Variants in L3HYPDH observed in about 807,000 individuals in gnomAD.
L3HYPDH encodes trans-3-hydroxy-L-proline dehydratase.
A neutral mutation model predicts 26.5 loss-of-function variants in L3HYPDH; 32 were observed. That is an observed-to-expected ratio of 1.21 (90% confidence interval 0.91 to 1.62). L3HYPDH has a LOEUF of 1.62. Ranked by LOEUF, L3HYPDH falls within the 40% of genes most tolerant of loss-of-function variation. The pLI, the probability that L3HYPDH is intolerant of heterozygous loss-of-function variation, is 0.00. For missense variants in L3HYPDH, 554 were observed against 476.4 expected, an observed-to-expected ratio of 1.16 and a Z score of -1.52; for synonymous variants, 215 against 196.6, an observed-to-expected ratio of 1.09 and a Z score of -0.78.
chr14:59,478,281 C>G (rs1286444056), intron 2 of L3HYPDH, among the ~76,000 whole-genome samples: 1 of 152,092 alleles, frequency 6.6e-6, no homozygotes, highest in Non-Finnish European at 1.5e-5. Context: ...AATTTAGTAA[C>G]TGCTAGGTGT....
the L3HYPDH span, among the ~76,000 whole-genome samples, chr14:59,490,985 G>C: frequency 1.3e-5 from 2 of 152,196 alleles, no homozygotes; most frequent in South Asian, 4.1e-4. Context: ...GCTCAGACAG[G>C]AAAGGAGGTG....
chr14:59,473,093 GAAA>G lies in L3HYPDH; in HGVS notation c.940-6_940-4del, dbSNP rs142508867. ...TTAAAATCACCACATTTCGCTTCCT[GAAA>G]AAAGATGAAGGGAGTATACTATCAA... On this transcript the variant is annotated splice_polypyrimidine_tract_variant and splice_region_variant and intron_variant, in intron 4 of 4. Coordinates refer to ENST00000247194, the MANE Select transcript of L3HYPDH (RefSeq NM_144581.2). 22,665 of 1,584,858 alleles carry G rather than the reference GAAA, an allele frequency of 0.014. 209 individuals are homozygous for G. Among genetic ancestry groups the G allele is most frequent in the Non-Finnish European group, 0.017 (19,594 of 1,170,002 alleles).
the L3HYPDH span, among the ~76,000 whole-genome samples, chr14:59,492,821 C>T: frequency 3.7e-5 from 5 of 135,148 alleles, no homozygotes; most frequent in African/African-American, 1.4e-4. Context: ...TTTTTTGAGA[C>T]GAGTCTTGCT....
the L3HYPDH span, among the ~76,000 whole-genome samples, chr14:59,490,154 G>A: frequency 2.0e-5 from 3 of 152,080 alleles, no homozygotes; most frequent in Admixed American, 1.3e-4. Flanking sequence ...TCTCCTGGGC[G>A]CAAGCAGTCC....
At chr14:59,466,642 T>C (rs1359795524) in intron 1 of L3HYPDH, among the ~76,000 whole-genome samples, 1 of 152,216 alleles carries the variant, frequency 6.6e-6, no homozygotes, top group Non-Finnish European at 1.5e-5. Flanking sequence ...TTTGTAGATC[T>C]TAGAATCAAT....
chr14:59,487,776 C>A, upstream of L3HYPDH: 1 of 1,613,502 alleles, frequency 6.2e-7, no homozygotes, highest in Non-Finnish European at 8.5e-7. Context: ...TATGGCAATG[C>A]TTCCTCTGGT....
downstream of L3HYPDH, among the ~76,000 whole-genome samples, chr14:59,469,011 G>T (rs1448986850): frequency 1.3e-5 from 2 of 152,146 alleles, no homozygotes; most frequent in Non-Finnish European, 2.9e-5. Flanking sequence ...TTTACAAAAG[G>T]ACAGTCTAAC....
intron 4 of L3HYPDH, 124 bp from the exon 5 acceptor site, chr14:59,473,214 G>A (rs890154391): frequency 3.5e-6 from 3 of 857,132 alleles, no homozygotes; most frequent in Admixed American, 3.1e-5. Flanking sequence ...ATGGGCCAGG[G>A]AAGGTTTTTA....
At chr14:59,476,990 T>C (rs1889674806) in intron 2 of L3HYPDH, among the ~76,000 whole-genome samples, 1 of 152,232 alleles carries the variant, frequency 6.6e-6, no homozygotes, top group Non-Finnish European at 1.5e-5. Flanking sequence ...TGCTTACAAT[T>C]AGTACTTTCT....
At chr14:59,478,711 T>C (rs1437559621) in intron 2 of L3HYPDH, 1 of 152,892 alleles carries the variant, frequency 6.5e-6, no homozygotes, top group Non-Finnish European at 1.5e-5. Context: ...ATTTCCATTT[T>C]GCAGACAGGA....
the L3HYPDH span, among the ~76,000 whole-genome samples, chr14:59,497,671 G>T: frequency 6.6e-6 from 1 of 152,152 alleles, no homozygotes; most frequent in Non-Finnish European, 1.5e-5. Flanking sequence ...CAAGTTGCAG[G>T]AATGGATAGA....
upstream of L3HYPDH, chr14:59,484,740 T>G (rs116224422): frequency 7.4e-6 from 8 of 1,088,332 alleles, no homozygotes; most frequent in South Asian, 1.0e-4. Flanking sequence ...CGGGCCGGGC[T>G]CCGCACTCCT....
the L3HYPDH span, among the ~76,000 whole-genome samples, chr14:59,496,123 C>G: frequency 6.6e-6 from 1 of 152,140 alleles, no homozygotes; most frequent in African/African-American, 2.4e-5. Flanking sequence ...CCAGGCTGGT[C>G]TTGAACTCCT....
intron 2 of L3HYPDH, chr14:59,478,691 G>GT (rs1240023284): frequency 6.6e-6 from 1 of 152,514 alleles, no homozygotes; most frequent in Non-Finnish European, 1.5e-5. Flanking sequence ...TACAAAGCAG[G>GT]TATTTTTTAA....
Position 59,484,387 on chromosome 14 carries a change from C to A in L3HYPDH, c.-71G>T. The A allele has an allele frequency of 6.7e-7, 1 of 1,481,820 alleles. No individual in the cohort carries two copies. The highest frequency in any genetic ancestry group is 1.2e-5 in the South Asian group (1 of 80,196). The allele number at this position is 1,481,820 out of a possible 1,614,324, so 91.8% of individuals were successfully genotyped here. A position where few individuals can be genotyped will look rare whatever the true frequency, so the allele number is the denominator to read the frequency against. Reference sequence around the variant, plus strand: ...AAGCCCGACCCTCACCCACTGACTCCGCGGGAGGAGGGCGGGACGCTAACC... The same window carrying A: ...AAGCCCGACCCTCACCCACTGACTCAGCGGGAGGAGGGCGGGACGCTAACC... On this transcript the variant is annotated 5_prime_UTR_variant, in exon 1 of 5. Transcript: ENST00000247194.
the L3HYPDH span, chr14:59,498,752 G>A: frequency 9.6e-6 from 15 of 1,569,090 alleles, no homozygotes; most frequent in South Asian, 3.4e-5. Context: ...TATCTATTAC[G>A]CATTCTGCTT....
the L3HYPDH span, chr14:59,498,807 C>A: frequency 6.2e-7 from 1 of 1,609,936 alleles, no homozygotes; most frequent in Non-Finnish European, 8.5e-7. Flanking sequence ...AAGAAGATTG[C>A]ATGTGGGTTA....
In L3HYPDH at chr14:59,479,300, T is replaced by C; in HGVS notation, c.560A>G (p.Tyr187Cys). ...AACAAATGCATAAAATGCACCGCCA[T>C]ATGCAATGTCCACCATCACCTTTCC... ...GHGKVMVDIA[Y>C]GGAFYAFVTA... Residue 187 changes from tyrosine (Y) to cysteine (C), a missense_variant, in exon 2 of 5, where the codon TAT (tyrosine) becomes TGT (cysteine). By Grantham distance (194) the Tyr-to-Cys change is radical (BLOSUM62 -2). Transcript: ENST00000247194. The C allele has an allele frequency of 6.2e-7, 1 of 1,613,620 alleles. No individual in the cohort carries two copies.
chr14:59,476,887 TG>T (rs1889667235), intron 2 of L3HYPDH, among the ~76,000 whole-genome samples: 1 of 152,232 alleles, frequency 6.6e-6, no homozygotes, highest in South Asian at 2.1e-4. Flanking sequence ...CAAAGCTACT[TG>T]TTCTTGGAAG....
Sources: gnomAD v4.1 joint callset for allele counts (sites outside exome capture counted in the v4.1 genomes callset) on GRCh38, gnomAD v4.1.1 for gene constraint, MANE v1.5 for transcripts, NCBI Gene and HGNC (gene_info 2026-07-23, HGNC 2026-07-21) for gene names.